SYNPR: variants seen among roughly 807,000 people sequenced by gnomAD.
SYNPR encodes the protein synaptoporin.
Under a neutral mutation model 32.9 loss-of-function variants are expected in SYNPR, and 23 were observed. The ratio of observed to expected loss-of-function variants is 0.70; its 90% CI spans 0.50 to 0.99. The LOEUF (loss-of-function observed/expected upper bound fraction) is 0.99. Ranked by LOEUF, SYNPR falls within the 50% of genes least tolerant of loss-of-function variation. SYNPR has a pLI of 0.00. For missense variants in SYNPR, 318 were observed against 349.3 expected, an observed-to-expected ratio of 0.91 and a Z score of 0.71; for synonymous variants, 146 against 135.9, an observed-to-expected ratio of 1.07 and a Z score of -0.52.
rs369861928 is a variant in SYNPR at position 63,394,831 on chromosome 3, T to G, written c.85-86001T>G. 2.7e-4 allele frequency among the ~76,000 whole-genome samples: 41 copies of G among 152,306 alleles called. No homozygotes were observed. The East Asian group carries it at 7.5e-3, about 28-fold the overall frequency. ...TAAGCAATTATTCTTTTAGAAAATT[T>G]TCTCACTAAAAGCAAATATTAACTA... On this transcript the variant is annotated intron_variant, in intron 2 of 5. Coordinates refer to ENST00000478300, the MANE Select transcript of SYNPR (RefSeq NM_001130003.2).
At chr3:63,526,572 G>T (rs920468060) in intron 3 of SYNPR, among the ~76,000 whole-genome samples, 1 of 152,098 alleles carries the variant, frequency 6.6e-6, no homozygotes, top group African/African-American at 2.4e-5. Context: ...TCTATTAAGG[G>T]CAAGCGACAC....
intron 4 of SYNPR, among the ~76,000 whole-genome samples, chr3:63,582,377 T>C (rs554269149): frequency 1.3e-5 from 2 of 152,176 alleles, no homozygotes; most frequent in East Asian, 3.9e-4. Context: ...TGGCATATAA[T>C]CAGATTTCAT....
intron 2 of SYNPR, among the ~76,000 whole-genome samples, chr3:63,475,678 G>C (rs767148349): frequency 4.6e-5 from 7 of 152,068 alleles, no homozygotes; most frequent in Non-Finnish European, 8.8e-5. Flanking sequence ...ATGGAGATCT[G>C]TCTCTCTAGT....
At chr3:63,517,002 AC>A (rs1425993641) in intron 3 of SYNPR, among the ~76,000 whole-genome samples, 3 of 152,136 alleles carry the variant, frequency 2.0e-5, no homozygotes, top group Admixed American at 2.0e-4. Flanking sequence ...AACGATACCT[AC>A]TTTTGCAGGA....
intron 2 of SYNPR, among the ~76,000 whole-genome samples, chr3:63,332,225 C>A (rs1393932042): frequency 6.6e-6 from 1 of 152,144 alleles, no homozygotes; most frequent in Non-Finnish European, 1.5e-5. Context: ...TCTTCTTCAC[C>A]CCTCTTTACT....
At chr3:63,396,502 TC>T (rs2088214926) in intron 2 of SYNPR, among the ~76,000 whole-genome samples, 1 of 152,162 alleles carries the variant, frequency 6.6e-6, no homozygotes, top group African/African-American at 2.4e-5. Flanking sequence ...AGGTATCACC[TC>T]TTTTTTAGCC....
chr3:63,392,592 C>CTT (rs2088152774), intron 2 of SYNPR, among the ~76,000 whole-genome samples: 1 of 152,102 alleles, frequency 6.6e-6, no homozygotes, highest in African/African-American at 2.4e-5. Context: ...GCTGAACACA[C>CTT]AGAAAGCAGT....
chr3:63,343,923 G>T (rs562959820), intron 2 of SYNPR, among the ~76,000 whole-genome samples: 1 of 152,306 alleles, frequency 6.6e-6, no homozygotes, highest in East Asian at 1.9e-4. Context: ...TGTCTATGCC[G>T]GAAACGGCTT....
intron 3 of SYNPR, among the ~76,000 whole-genome samples, chr3:63,268,049 C>A (rs1048743486): frequency 4.6e-5 from 7 of 152,166 alleles, no homozygotes; most frequent in Non-Finnish European, 7.3e-5. Context: ...TTGTTTCACA[C>A]TGTGGAATAA....
rs1349902760 is a variant in SYNPR, at chr3:63,278,541, CTG to C, written c.11_12del (p.Val4GlufsTer54). 8 of 1,550,634 alleles carry C rather than the reference CTG, an allele frequency of 5.2e-6. No homozygotes were observed. The highest frequency in any genetic ancestry group is 2.7e-5 in the African/African-American group (2 of 73,048). On this transcript the variant is annotated frameshift_variant, in exon 1 of 6. Coordinates refer to ENST00000478300, the MANE Select transcript of SYNPR (RefSeq NM_001130003.2). LOFTEE classifies it high-confidence loss of function. ...AGCGAGCGAGGGCGAGCTATGGACC[CTG>C]TGAGTCAGGTGAGACAGAACTGGGC...
intron 2 of SYNPR, among the ~76,000 whole-genome samples, chr3:63,438,257 TC>T (rs1357397332): frequency 2.0e-5 from 3 of 152,178 alleles, no homozygotes; most frequent in Non-Finnish European, 4.4e-5. Flanking sequence ...CATCCAAAAA[TC>T]CTAATTTTCT....
At chr3:63,311,413 C>T (rs2106953400) in intron 2 of SYNPR, among the ~76,000 whole-genome samples, 1 of 152,062 alleles carries the variant, frequency 6.6e-6, no homozygotes, top group African/African-American at 2.4e-5. Flanking sequence ...ACCCCCGGGC[C>T]AAAGACCACT....
intron 2 of SYNPR, among the ~76,000 whole-genome samples, chr3:63,412,436 C>G (rs991280626): frequency 1.3e-5 from 2 of 152,154 alleles, no homozygotes; most frequent in Non-Finnish European, 2.9e-5. Context: ...TTTTGTCAAG[C>G]ATCTACCTTG....
chr3:63,404,121 G>A (rs182971385), intron 2 of SYNPR, among the ~76,000 whole-genome samples: 3 of 152,272 alleles, frequency 2.0e-5, no homozygotes, highest in Non-Finnish European at 2.9e-5. Flanking sequence ...CAGAGCATTC[G>A]TTTTTATCCT....
At chr3:63,330,649 G>C (rs1381929536) in intron 2 of SYNPR, among the ~76,000 whole-genome samples, 1 of 151,976 alleles carries the variant, frequency 6.6e-6, no homozygotes, top group Non-Finnish European at 1.5e-5. Flanking sequence ...TTATATACTG[G>C]TCACAATTTA....
intron 2 of SYNPR, among the ~76,000 whole-genome samples, chr3:63,396,047 G>A (rs1002866164): frequency 6.6e-6 from 1 of 152,074 alleles, no homozygotes; most frequent in African/African-American, 2.4e-5. Flanking sequence ...AACCACACAG[G>A]CACAACCAAC....
chr3:63,462,825 T>A (rs1189821014), intron 2 of SYNPR, among the ~76,000 whole-genome samples: 1 of 152,170 alleles, frequency 6.6e-6, no homozygotes, highest in Non-Finnish European at 1.5e-5. Context: ...GCTAAGGAAG[T>A]CAAAACACCA....
intron 4 of SYNPR, among the ~76,000 whole-genome samples, chr3:63,594,570 T>C (rs1366562608): frequency 6.6e-6 from 1 of 152,150 alleles, no homozygotes; most frequent in African/African-American, 2.4e-5. Context: ...ATCCTGGCTG[T>C]GCACCTTTCA....
chr3:63,580,630 A>G (rs1443148928), intron 4 of SYNPR, among the ~76,000 whole-genome samples: 1 of 152,116 alleles, frequency 6.6e-6, no homozygotes, highest in Non-Finnish European at 1.5e-5. Flanking sequence ...GTCTCTGGTT[A>G]TGAAACCTAG....
Sources: gnomAD v4.1 joint callset for allele counts (sites outside exome capture counted in the v4.1 genomes callset) on GRCh38, gnomAD v4.1.1 for gene constraint, MANE v1.5 for transcripts, NCBI Gene and HGNC (gene_info 2026-07-23, HGNC 2026-07-21) for gene names.